PGR: variants seen among roughly 807,000 people sequenced by gnomAD.
The protein encoded by PGR is nuclear receptor subfamily 3 group C member 3.
PGR carries 25 observed loss-of-function variants against 76.1 expected under a neutral mutation model. That is an observed-to-expected ratio of 0.33 (90% CI 0.24 to 0.46). The LOEUF (loss-of-function observed/expected upper bound fraction) is 0.46. PGR is among the 20% of genes least tolerant of loss of function. PGR has a pLI of 1.00. For synonymous variants in PGR, 579 were observed against 535.0 expected, an observed-to-expected ratio of 1.08 and a Z score of -1.14; for missense variants, 1,172 against 1,225.3, an observed-to-expected ratio of 0.96 and a Z score of 0.65.
At position 101,122,427 on chromosome 11, in the gene PGR, G is replaced by A. The variant is rs376275068; in HGVS notation, c.1789+3580C>T. On this transcript the variant is annotated intron_variant, in intron 2 of 7. Transcript: ENST00000325455. Reference sequence around the variant, plus strand: ...AGCACTGGGCTGGTTACTGTGTACTGGCAAAGATAAGCCATTGAGAAATAG... The same window carrying A: ...AGCACTGGGCTGGTTACTGTGTACTAGCAAAGATAAGCCATTGAGAAATAG... Among the ~76,000 whole-genome samples the A allele has an allele frequency of 2.6e-4, 39 of 152,304 alleles. No individual in the cohort carries two copies. The South Asian group carries it at 8.1e-3, about 32-fold the overall frequency.
At chr11:101,082,770 AAG>A (rs1191173779) in intron 3 of PGR, among the ~76,000 whole-genome samples, 2 of 152,210 alleles carry the variant, frequency 1.3e-5, no homozygotes, top group African/African-American at 2.4e-5. Flanking sequence ...TGCATGAAAA[AAG>A]AGATTATCTG....
rs1439653137 is a variant in PGR at position 101,032,498 on chromosome 11, C to T, written c.*6618G>A. The T allele has an allele frequency of 8.6e-6, 2 of 232,836 alleles. No homozygotes were observed. The highest frequency in any genetic ancestry group is 1.7e-5 in the Non-Finnish European group (2 of 117,940). 14.4% of individuals were successfully genotyped at this position (232,836 alleles called of 1,614,324 possible). On this transcript the variant is annotated 3_prime_UTR_variant, in exon 8 of 8. Coordinates refer to ENST00000325455, the MANE Select transcript of PGR (RefSeq NM_000926.4). ...TTCAGTCTCATCATCCATCCCCACC[C>T]CACATTCTCTCTCCCCATCAGGTTT...
chr11:101,053,329 G>A (rs915413023), intron 4 of PGR, among the ~76,000 whole-genome samples: 2 of 151,924 alleles, frequency 1.3e-5, no homozygotes, highest in Non-Finnish European at 2.9e-5. Flanking sequence ...ACTTCAGATC[G>A]TCCCATCTTC....
At chr11:101,094,578 G>A (rs1471846365) in intron 2 of PGR, among the ~76,000 whole-genome samples, 1 of 152,110 alleles carries the variant, frequency 6.6e-6, no homozygotes, top group African/African-American at 2.4e-5. Flanking sequence ...ATCTCAATAT[G>A]AGCTCTGACC....
At chr11:101,094,074 A>G (rs1340311352) in intron 2 of PGR, among the ~76,000 whole-genome samples, 1 of 152,070 alleles carries the variant, frequency 6.6e-6, no homozygotes, top group Non-Finnish European at 1.5e-5. Flanking sequence ...TAAAGTCTTT[A>G]GTCTCTCCAG....
intron 2 of PGR, among the ~76,000 whole-genome samples, chr11:101,103,455 AC>A (rs1256403395): frequency 1.7e-4 from 26 of 152,008 alleles, no homozygotes; most frequent in African/African-American, 5.6e-4. Flanking sequence ...CCTGTCTCTT[AC>A]CCCCGCATGT....
intron 3 of PGR, among the ~76,000 whole-genome samples, chr11:101,079,733 G>A (rs1861238027): frequency 6.6e-6 from 1 of 152,170 alleles, no homozygotes; most frequent in Admixed American, 6.5e-5. Flanking sequence ...GAACTACCAC[G>A]TGATGCAGCA....
At chr11:101,127,368 G>C in intron 1 of PGR, 66 bp downstream of exon 1, 1 of 1,276,154 alleles carries the variant, frequency 7.8e-7, no homozygotes, top group Non-Finnish European at 1.0e-6. Flanking sequence ...GAGGGTTGGC[G>C]GCCGCCGCCG....
At chr11:101,080,819 A>C (rs1861280014) in intron 3 of PGR, among the ~76,000 whole-genome samples, 2 of 152,136 alleles carry the variant, frequency 1.3e-5, no homozygotes, top group South Asian at 4.1e-4. Flanking sequence ...ACTCACTTAA[A>C]GCCTTCAATT....
At chr11:101,100,831 T>A (rs974484795) in intron 2 of PGR, among the ~76,000 whole-genome samples, 10 of 152,068 alleles carry the variant, frequency 6.6e-5, no homozygotes, top group Non-Finnish European at 2.9e-5. Flanking sequence ...TAACATCCCA[T>A]AATGCACAGG....
chr11:101,101,174 T>A (rs964739528), intron 2 of PGR, among the ~76,000 whole-genome samples: 4 of 152,152 alleles, frequency 2.6e-5, no homozygotes, highest in Non-Finnish European at 5.9e-5. Flanking sequence ...TGACCACTGA[T>A]AATTCACACC....
At chr11:101,117,979 T>G in intron 2 of PGR, among the ~76,000 whole-genome samples, 1 of 152,230 alleles carries the variant, frequency 6.6e-6, no homozygotes, top group Admixed American at 6.5e-5. Flanking sequence ...ATGACAACTC[T>G]TGGTACTTTC....
In PGR at chr11:101,030,774, G is replaced by C. The variant is rs1440741633; in HGVS notation, c.*8342C>G. ...CTAAATCTCAAAGGTATCCTTAAAAGGTGGACTTAAGCATCAAAAGCTACT... is the reference window on the plus strand; with the variant it reads ...CTAAATCTCAAAGGTATCCTTAAAACGTGGACTTAAGCATCAAAAGCTACT... On this transcript the variant is annotated 3_prime_UTR_variant, in exon 8 of 8. Transcript: ENST00000325455. 4.9e-6 allele frequency: 1 copy of C among 202,402 alleles called. No individual in the cohort carries two copies. Among genetic ancestry groups the C allele is most frequent in the African/African-American group, 2.3e-5 (1 of 43,592 alleles). 12.5% of individuals were successfully genotyped at this position (202,402 alleles called of 1,614,324 possible).
intron 2 of PGR, among the ~76,000 whole-genome samples, chr11:101,124,135 T>C (rs582691): frequency 0.87 from 131,964 of 152,192 alleles, 57,950 homozygotes; most frequent in East Asian, 0.99. Context: ...CAATCTTAAG[T>C]AACTCTTTGT....
intron 3 of PGR, among the ~76,000 whole-genome samples, chr11:101,087,610 C>T (rs752974404): frequency 1.6e-4 from 24 of 152,080 alleles, no homozygotes; most frequent in South Asian, 4.2e-4. Context: ...AGAGTTTCTG[C>T]ACAGCAAAAT....
chr11:101,116,928 C>T (rs1324831679), intron 2 of PGR, among the ~76,000 whole-genome samples: 1 of 152,032 alleles, frequency 6.6e-6, no homozygotes, highest in African/African-American at 2.4e-5. Flanking sequence ...ATTTTAGAGA[C>T]TTCTTGACAT....
At position 101,080,393 on chromosome 11, in the gene PGR, C is replaced by T. The variant is rs1315266327; in HGVS notation, c.1906+11367G>A. Reference sequence around the variant, plus strand: ...TCCTACCCAGCATTCTTTAGAGGCACAAGCCCTAGAAAAGGGGTAAAAGGG... The same window carrying T: ...TCCTACCCAGCATTCTTTAGAGGCATAAGCCCTAGAAAAGGGGTAAAAGGG... On this transcript the variant is annotated intron_variant, in intron 3 of 7. Coordinates refer to ENST00000325455, the MANE Select transcript of PGR (RefSeq NM_000926.4). 2.2e-4 allele frequency among the ~76,000 whole-genome samples: 32 copies of T among 148,750 alleles called. No homozygotes were observed. The Admixed American group carries it at 2.2e-3, about 10-fold the overall frequency.
In PGR at chr11:101,090,749, A is replaced by G. The variant is rs112370991; in HGVS notation, c.1906+1011T>C. On this transcript the variant is annotated intron_variant, in intron 3 of 7. Coordinates refer to ENST00000325455, the MANE Select transcript of PGR (RefSeq NM_000926.4). ...ACAAATCTTTAATCAAGAAATTATA[A>G]AATTCTATAAGTGATCTAATTACAT... Among the ~76,000 whole-genome samples the G allele has an allele frequency of 4.7e-3, 711 of 152,300 alleles. 8 individuals carry two copies. The highest frequency in any genetic ancestry group is 0.017 in the African/African-American group (691 of 41,572).
chr11:101,080,524 C>T (rs1187306737), intron 3 of PGR, among the ~76,000 whole-genome samples: 1 of 151,354 alleles, frequency 6.6e-6, no homozygotes, highest in Non-Finnish European at 1.5e-5. Context: ...ATTTGAAGTG[C>T]CAATGTCTCC....
Sources: allele counts gnomAD v4.1 joint callset (sites outside exome capture counted in the v4.1 genomes callset), GRCh38; gene constraint gnomAD v4.1.1; transcripts MANE v1.5; gene names NCBI Gene and HGNC (gene_info 2026-07-23, HGNC 2026-07-21).